PLCG2: variants seen among roughly 807,000 people sequenced by gnomAD.
PLCG2 encodes phospholipase C gamma 2.
Under a neutral mutation model 175.6 loss-of-function variants are expected in PLCG2, and 69 were observed. That is an observed-to-expected ratio of 0.39 (90% confidence interval 0.32 to 0.48). The LOEUF is 0.48. Among genes scored for constraint, PLCG2 ranks in the 20% least tolerant of loss-of-function variants. PLCG2 has a pLI of 0.91. For missense variants in PLCG2, 1,798 were observed against 1,650.9 expected (o/e 1.09, Z -1.54); for synonymous variants, 827 against 624.0 (o/e 1.33, Z -4.85).
chr16:81,776,307 C>T, upstream of PLCG2, among the ~76,000 whole-genome samples: 1 of 151,484 alleles, frequency 6.6e-6, no homozygotes, highest in Non-Finnish European at 1.5e-5. Context: ...GACGGGTTTT[C>T]ACCATGTTAA....
intron 19 of PLCG2, among the ~76,000 whole-genome samples, chr16:81,916,829 G>T (rs1909863302): frequency 6.6e-6 from 1 of 152,004 alleles, no homozygotes; most frequent in Non-Finnish European, 1.5e-5. Context: ...GTAAAGGTGG[G>T]GTTTCACCAT....
chr16:81,793,390 C>G (rs1007289157), intron 2 of PLCG2, among the ~76,000 whole-genome samples: 2 of 152,146 alleles, frequency 1.3e-5, no homozygotes, highest in Admixed American at 6.5e-5. Flanking sequence ...CCTCTTGCAT[C>G]TTGTGCATTT....
chr16:81,906,330 C>G (rs1410073520), intron 15 of PLCG2: 2 of 152,234 alleles, frequency 1.3e-5, no homozygotes, highest in African/African-American at 4.8e-5. Flanking sequence ...CTGCCTCTAT[C>G]CCTTTACCTA....
chr16:81,911,891 G>T (rs1480360525), intron 18 of PLCG2, among the ~76,000 whole-genome samples: 38 of 138,878 alleles, frequency 2.7e-4, no homozygotes, highest in Non-Finnish European at 5.3e-4. Context: ...TTTGCCTCCT[G>T]GGTTCAAGTG....
chr16:81,959,522 C>G lies in PLCG2; in HGVS notation c.*1524C>G, dbSNP rs1033843788. The G allele has an allele frequency of 4.8e-6, 1 of 209,668 alleles. No individual in the cohort carries two copies. The highest frequency in any genetic ancestry group is 2.3e-5 in the African/African-American group (1 of 44,034). 13.0% of individuals were successfully genotyped at this position (209,668 alleles called of 1,614,324 possible). Reference sequence around the variant, plus strand: ...CAAGCTCCTAAAAGAAAGCCATTTACCTCGCTTGAAGCCAGGAACACAGGG... The same window carrying G: ...CAAGCTCCTAAAAGAAAGCCATTTAGCTCGCTTGAAGCCAGGAACACAGGG... On this transcript the variant is annotated 3_prime_UTR_variant, in exon 33 of 33. Coordinates refer to ENST00000564138, the MANE Select transcript of PLCG2 (RefSeq NM_002661.5).
intron 17 of PLCG2, 28 bp downstream of exon 17, chr16:81,908,619 A>C: frequency 5.7e-6 from 9 of 1,577,026 alleles, no homozygotes; most frequent in Non-Finnish European, 7.8e-6. Flanking sequence ...GGGAACGCCT[A>C]CCTTCTTCTC....
At chr16:81,880,193 G>T (rs1329295226) in intron 7 of PLCG2, among the ~76,000 whole-genome samples, 2 of 152,142 alleles carry the variant, frequency 1.3e-5, no homozygotes, top group Non-Finnish European at 2.9e-5. Flanking sequence ...GTGAACTATG[G>T]TCGTGCCACT....
At chr16:81,858,036 G>A in intron 3 of PLCG2, 1 of 501,058 alleles carries the variant, frequency 2.0e-6, no homozygotes, top group East Asian at 2.9e-5. Flanking sequence ...TAACCCACTT[G>A]TCATCCCTGT....
intron 14 of PLCG2, 106 bp from the exon 15 acceptor site, chr16:81,905,297 G>C (rs1909317630): frequency 2.7e-6 from 2 of 728,988 alleles, no homozygotes; most frequent in South Asian, 3.2e-5. Flanking sequence ...AGCAAGAACA[G>C]GCAGTGCAAA....
At chr16:81,739,044 C>A (rs1351892062), upstream of PLCG2, 1 of 151,938 alleles carries the variant, frequency 6.6e-6, no homozygotes, top group African/African-American at 2.4e-5. Flanking sequence ...GAGTGATAAG[C>A]GTGAACTAGA....
chr16:81,883,245 T>G (rs377097143), intron 8 of PLCG2, 24 bp from the exon 9 acceptor site: 1 of 1,609,806 alleles, frequency 6.2e-7, no homozygotes, highest in African/African-American at 1.3e-5. Flanking sequence ...TGTCTCTAAC[T>G]GCACCCCCTT....
chr16:81,837,685 T>A (rs899300688), intron 2 of PLCG2, among the ~76,000 whole-genome samples: 8 of 111,256 alleles, frequency 7.2e-5, no homozygotes, highest in African/African-American at 2.3e-4. Flanking sequence ...CCAACATGTG[T>A]TTTTTTTTTT....
intron 1 of PLCG2, among the ~76,000 whole-genome samples, chr16:81,754,941 G>A (rs1325530011): frequency 1.3e-5 from 2 of 152,156 alleles, no homozygotes; most frequent in Non-Finnish European, 2.9e-5. Context: ...AGGGAATGGT[G>A]CAAAGTGAGA....
intron 31 of PLCG2, among the ~76,000 whole-genome samples, chr16:81,951,780 G>T (rs1230876112): frequency 6.6e-6 from 1 of 152,170 alleles, no homozygotes; most frequent in Non-Finnish European, 1.5e-5. Context: ...AGCACAGTTA[G>T]CAACAAATTA....
rs547550801 is a variant in PLCG2 at position 81,842,382 on chromosome 16, C to G, written c.194-12062C>G. Among the ~76,000 whole-genome samples the G allele has an allele frequency of 1.1e-4, 17 of 152,276 alleles. 1 individual carries two copies. The South Asian group carries it at 3.3e-3, about 30-fold the overall frequency. The stretch of plus-strand genomic sequence containing the variant: ...TGCCGGCCTGGACAGGGCCTGTCCT[C>G]CCTCCCAGACTCGGAGCCGTCTGAG... On this transcript the variant is annotated intron_variant, in intron 2 of 32. Transcript: ENST00000564138.
intron 6 of PLCG2, among the ~76,000 whole-genome samples, chr16:81,869,827 C>G (rs1032323138): frequency 6.6e-6 from 1 of 152,136 alleles, no homozygotes; most frequent in Non-Finnish European, 1.5e-5. Context: ...AGTAAAGCCA[C>G]TCCATGAGTG....
At chr16:81,793,151 C>T (rs986039804) in intron 2 of PLCG2, among the ~76,000 whole-genome samples, 1 of 152,208 alleles carries the variant, frequency 6.6e-6, no homozygotes, top group African/African-American at 2.4e-5. Context: ...TTCCTGGCCT[C>T]CAGGTTCCCT....
chr16:81,879,072 C>G (rs1286615329), intron 7 of PLCG2, among the ~76,000 whole-genome samples: 1 of 152,080 alleles, frequency 6.6e-6, no homozygotes, highest in African/African-American at 2.4e-5. Context: ...TCCGAGCTCC[C>G]TGAGTGGGGG....
chr16:81,791,287 C>G (rs1309264826), intron 2 of PLCG2, among the ~76,000 whole-genome samples: 1 of 152,012 alleles, frequency 6.6e-6, no homozygotes, highest in Non-Finnish European at 1.5e-5. Context: ...GGGGAGGGCT[C>G]ATTGTGGAGG....
Sources: gnomAD v4.1 joint callset for allele counts (sites outside exome capture counted in the v4.1 genomes callset) on GRCh38, gnomAD v4.1.1 for gene constraint, MANE v1.5 for transcripts, NCBI Gene and HGNC (gene_info 2026-07-23, HGNC 2026-07-21) for gene names.